The following CFAP44 variants were observed in gnomAD, a reference collection of about 807,000 sequenced individuals.
The protein encoded by CFAP44 is cilia and flagella associated protein 44, also known as cilia- and flagella-associated protein 44.
CFAP44 carries 134 observed loss-of-function variants against 216.2 expected under a neutral mutation model. The ratio of observed to expected loss-of-function variants is 0.62; its 90% CI spans 0.54 to 0.72. CFAP44 has a LOEUF of 0.72. CFAP44 is among the 30% of genes least tolerant of loss of function. The probability of loss-of-function intolerance (pLI) is 0.00; values close to 1 mark genes in which losing one functional copy is unlikely to be tolerated. For synonymous variants in CFAP44, 700 were observed against 727.6 expected, an observed-to-expected ratio of 0.96 and a Z score of 0.61; for missense variants, 2,035 against 2,182.1, an observed-to-expected ratio of 0.93 and a Z score of 1.34.
chr3:113,336,713 T>A (rs7618077), intron 24 of CFAP44, among the ~76,000 whole-genome samples: 12 of 151,930 alleles, frequency 7.9e-5, no homozygotes, highest in African/African-American at 2.9e-4. Flanking sequence ...TATAAATAAG[T>A]ACATTAAACA....
At chr3:113,318,256 T>A (rs1428009808) in intron 28 of CFAP44, among the ~76,000 whole-genome samples, 2 of 151,990 alleles carry the variant, frequency 1.3e-5, no homozygotes, top group Non-Finnish European at 2.9e-5. Context: ...AAAACCGAAC[T>A]CCTAGAGCTA....
intron 22 of CFAP44, among the ~76,000 whole-genome samples, chr3:113,354,348 A>C (rs1950475132): frequency 6.6e-6 from 1 of 152,102 alleles, no homozygotes; most frequent in African/African-American, 2.4e-5. Flanking sequence ...GATGCCAAAA[A>C]ACTGAATCTG....
At chr3:113,430,960 C>A (rs1576609768) in intron 2 of CFAP44, among the ~76,000 whole-genome samples, 1 of 152,136 alleles carries the variant, frequency 6.6e-6, no homozygotes, top group Non-Finnish European at 1.5e-5. Context: ...CTGGTACACT[C>A]GACCTAAATT....
intron 17 of CFAP44, among the ~76,000 whole-genome samples, chr3:113,374,011 A>G (rs751235459): frequency 2.6e-5 from 4 of 152,220 alleles, no homozygotes; most frequent in African/African-American, 9.6e-5. Context: ...TGAATGATCA[A>G]CTGGAAGAGC....
rs145880392 is a variant in CFAP44, at chr3:113,414,350, T to C, written c.673+2175A>G. Among the ~76,000 whole-genome samples the C allele has an allele frequency of 1.2e-4, 18 of 152,276 alleles. No homozygotes were observed. In the East Asian group the frequency reaches 3.3e-3, roughly 28 times the overall value. On this transcript the variant is annotated intron_variant, in intron 6 of 34. Transcript: ENST00000393845. ...TCTCTTCCTATTTGAATACGCTTCATTTCTTTCTCTTGCCTGATTTCCCTG... is the reference window on the plus strand; with the variant it reads ...TCTCTTCCTATTTGAATACGCTTCACTTCTTTCTCTTGCCTGATTTCCCTG...
At position 113,306,250 on chromosome 3, in the gene CFAP44, T is replaced by C; in HGVS notation, c.4709A>G (p.Lys1570Arg). 6.5e-7 allele frequency: 1 copy of C among 1,537,096 alleles called. No homozygotes were observed. Among genetic ancestry groups the C allele is most frequent in the Non-Finnish European group, 8.7e-7 (1 of 1,146,766 alleles). Residue 1570 changes from lysine (K) to arginine (R), a missense_variant, in exon 30 of 35, where the codon AAG (lysine) becomes AGG (arginine). Around this residue, in one of 3 missense-constraint regions of CFAP44, gnomAD observed 1,883 missense variants for 2,023.7 expected, o/e 0.93. Transcript: ENST00000393845. ...LDIEEALVEE[K>R]KIVDNLKKEY... is the part of the protein sequence containing the mutation. ...CTTTTTGAGGTTATCAACAATTTTCTTTTCTTCAACTAAAGCCTCCTCAAT... is the reference window on the plus strand; with the variant it reads ...CTTTTTGAGGTTATCAACAATTTTCCTTTCTTCAACTAAAGCCTCCTCAAT...
At position 113,383,465 on chromosome 3, in the gene CFAP44, C is replaced by T. The variant is rs974366314; in HGVS notation, c.1891-2405G>A. Among the ~76,000 whole-genome samples, 7 of 152,274 alleles carry T rather than the reference C, an allele frequency of 4.6e-5. 1 individual carries two copies. The South Asian group carries it at 1.5e-3, about 32-fold the overall frequency. ...CCTAATTCCCTCAAAGGCCCCACCT[C>T]CAAATACTATCACATGGGGAATTTA... On this transcript the variant is annotated intron_variant, in intron 15 of 34. Transcript: ENST00000393845.
chr3:113,328,614 G>A (rs1332877094), intron 26 of CFAP44, among the ~76,000 whole-genome samples: 1 of 143,438 alleles, frequency 7.0e-6, no homozygotes, highest in Non-Finnish European at 1.5e-5. Context: ...CCTATAGTAA[G>A]TGAGGACCCA....
At chr3:113,385,545 A>T (rs1199722977) in intron 15 of CFAP44, among the ~76,000 whole-genome samples, 1 of 152,176 alleles carries the variant, frequency 6.6e-6, no homozygotes, top group Non-Finnish European at 1.5e-5. Context: ...ATCACTTGAG[A>T]AGAATGTGTA....
chr3:113,411,938 C>T lies in CFAP44; in HGVS notation c.674-2616G>A, dbSNP rs1012814927. Among the ~76,000 whole-genome samples, 290 of 149,208 alleles carry T rather than the reference C, an allele frequency of 1.9e-3. 2 individuals carry two copies. The highest frequency in any genetic ancestry group is 5.8e-3 in the African/African-American group (237 of 41,066). On this transcript the variant is annotated intron_variant, in intron 6 of 34. Coordinates refer to ENST00000393845, the MANE Select transcript of CFAP44 (RefSeq NM_001164496.2). ...GGGAGTTCACTCATGATTTGGCTCT[C>T]TGTCTGTTATTGGTGTATAAGAATG...
intron 8 of CFAP44, among the ~76,000 whole-genome samples, chr3:113,404,655 C>T (rs896707761): frequency 3.3e-5 from 5 of 152,158 alleles, no homozygotes; most frequent in Non-Finnish European, 7.4e-5. Context: ...GAACTAGGTA[C>T]ATTTATCAGG....
chr3:113,392,503 C>T (rs911536243), intron 15 of CFAP44, among the ~76,000 whole-genome samples: 12 of 151,792 alleles, frequency 7.9e-5, no homozygotes, highest in Non-Finnish European at 1.3e-4. Context: ...TTAGCACAAC[C>T]GGGAGATTAT....
At chr3:113,348,373 A>G (rs951221169) in intron 22 of CFAP44, among the ~76,000 whole-genome samples, 1 of 152,072 alleles carries the variant, frequency 6.6e-6, no homozygotes, top group Non-Finnish European at 1.5e-5. Context: ...TGGCCCCAAT[A>G]TTCTCTCTCT....
At chr3:113,326,364 T>G in intron 28 of CFAP44, 81 bp downstream of exon 28, 1 of 1,269,840 alleles carries the variant, frequency 7.9e-7, no homozygotes, top group Non-Finnish European at 1.0e-6. Flanking sequence ...AAAAATAAGG[T>G]ATCTAATAGG....
chr3:113,318,844 G>T (rs1467721033), intron 28 of CFAP44, among the ~76,000 whole-genome samples: 1 of 151,708 alleles, frequency 6.6e-6, no homozygotes, highest in African/African-American at 2.4e-5. Flanking sequence ...ATAAGTGAAG[G>T]AGAAATAAAA....
chr3:113,400,613 T>G lies in CFAP44; in HGVS notation c.1406A>C (p.His469Pro). 6.2e-7 allele frequency: 1 copy of G among 1,610,974 alleles called. No homozygotes were observed. ...TQDPECLFSF[H>P]SGAIEAVAVS... ...AGCCACGGCTTCAATAGCTCCAGAATGGAAGGAGAAGAGGCATTCTGGGTC... is the reference window on the plus strand; with the variant it reads ...AGCCACGGCTTCAATAGCTCCAGAAGGGAAGGAGAAGAGGCATTCTGGGTC... Residue 469 changes from histidine to proline, a missense_variant, in exon 12 of 35, where the codon CAT becomes CCT. This residue lies in a region of CFAP44 where 1,883 missense variants were observed against 2,023.7 expected (regional missense o/e 0.93). Coordinates refer to ENST00000393845, the MANE Select transcript of CFAP44 (RefSeq NM_001164496.2).
intron 10 of CFAP44, 40 bp from the exon 11 acceptor site, chr3:113,401,327 C>G: frequency 8.5e-6 from 13 of 1,528,326 alleles, no homozygotes; most frequent in Non-Finnish European, 1.1e-5. Context: ...TCATTTTAAA[C>G]TTTCATCAGA....
intron 18 of CFAP44, among the ~76,000 whole-genome samples, chr3:113,371,718 T>C (rs1440185344): frequency 6.6e-6 from 1 of 151,864 alleles, no homozygotes; most frequent in Non-Finnish European, 1.5e-5. Context: ...AAAGCAAAAA[T>C]AGACAAATGG....
chr3:113,378,339 G>A (rs1010364459), intron 17 of CFAP44, among the ~76,000 whole-genome samples: 2 of 152,086 alleles, frequency 1.3e-5, no homozygotes, highest in African/African-American at 4.8e-5. Context: ...AAACACAGAC[G>A]ACAGGCAGAA....
Sources: allele counts gnomAD v4.1 joint callset (sites outside exome capture counted in the v4.1 genomes callset), GRCh38; gene constraint gnomAD v4.1.1; regional missense constraint gnomAD v4.1.1; transcripts MANE v1.5; gene names NCBI Gene and HGNC (gene_info 2026-07-23, HGNC 2026-07-21).